EVL: variants seen among roughly 807,000 people sequenced by gnomAD.
EVL encodes the protein ena/VASP-like protein.
EVL carries 21 observed loss-of-function variants against 59.6 expected under a neutral mutation model. That is an observed-to-expected ratio of 0.35 (90% confidence interval 0.25 to 0.51). The LOEUF is 0.51. Among genes scored for constraint, EVL ranks in the 20% least tolerant of loss-of-function variants. The pLI is 0.97. For missense variants in EVL, 462 were observed against 546.6 expected, an observed-to-expected ratio of 0.85 and a Z score of 1.54; for synonymous variants, 198 against 203.5, an observed-to-expected ratio of 0.97 and a Z score of 0.23.
intron 2 of EVL, 60 bp downstream of exon 2, chr14:100,084,915 C>T: frequency 1.9e-6 from 3 of 1,565,352 alleles, no homozygotes; most frequent in Non-Finnish European, 2.6e-6. Flanking sequence ...TCACCGCCCA[C>T]CCCTTACACA....
At chr14:99,996,824 G>C (rs1392951108) in intron 1 of EVL, among the ~76,000 whole-genome samples, 5 of 152,084 alleles carry the variant, frequency 3.3e-5, no homozygotes, top group Non-Finnish European at 7.4e-5. Context: ...GCTGATTTCT[G>C]TATTTTTTTA....
At chr14:100,126,891 C>A in intron 5 of EVL, 120 bp downstream of exon 5, 1 of 873,046 alleles carries the variant, frequency 1.1e-6, no homozygotes, top group South Asian at 1.6e-5. Flanking sequence ...GAGCCTAGGT[C>A]TCAAAGTGCA....
intron 1 of EVL, among the ~76,000 whole-genome samples, chr14:100,014,565 C>G (rs527683580): frequency 1.6e-4 from 25 of 152,304 alleles, no homozygotes; most frequent in African/African-American, 5.8e-4. Flanking sequence ...CAAATCTTGG[C>G]TATTGTCAAC....
chr14:100,079,432 C>T (rs1477318929), intron 1 of EVL, among the ~76,000 whole-genome samples: 1 of 152,206 alleles, frequency 6.6e-6, no homozygotes, highest in East Asian at 1.9e-4. Context: ...GAAAACAAAA[C>T]AGTTCCTGCC....
chr14:100,132,888 C>T, intron 8 of EVL, 109 bp downstream of exon 8: 2 of 1,215,754 alleles, frequency 1.6e-6, no homozygotes, highest in Non-Finnish European at 2.4e-6. Context: ...GGGATGGGCG[C>T]TTCATCAGGT....
chr14:100,093,600 G>A (rs755920397), intron 2 of EVL, among the ~76,000 whole-genome samples: 2 of 152,152 alleles, frequency 1.3e-5, no homozygotes, highest in African/African-American at 2.4e-5. Context: ...TTCAATCAGC[G>A]ACCAAGCATG....
chr14:100,043,968 T>C (rs928275776), intron 1 of EVL, among the ~76,000 whole-genome samples: 1 of 152,136 alleles, frequency 6.6e-6, no homozygotes, highest in Admixed American at 6.5e-5. Flanking sequence ...GTCGTGATTA[T>C]GGAGGTTGTA....
chr14:100,064,451 T>C (rs748267875), upstream of EVL, among the ~76,000 whole-genome samples: 2 of 152,194 alleles, frequency 1.3e-5, no homozygotes, highest in Non-Finnish European at 2.9e-5. Context: ...TATAACCCCA[T>C]TTTACAGTTG....
Position 99,994,751 on chromosome 14 carries a change from A to G in EVL, c.5+22694A>G, listed in dbSNP as rs373801114. ...ATTTACCTTTACCAGGGAGTTTTGT[A>G]TATTCTCATGGTTTCATGATGCTAT... On this transcript the variant is annotated intron_variant, in intron 1 of 13. Coordinates refer to the EVL transcript ENST00000402714. 2.2e-4 allele frequency among the ~76,000 whole-genome samples: 34 copies of G among 152,232 alleles called. No homozygotes were observed. The South Asian group carries it at 3.3e-3, about 15-fold the overall frequency.
At chr14:100,019,691 T>C (rs1448680944) in intron 1 of EVL, 6 of 1,532,872 alleles carry the variant, frequency 3.9e-6, no homozygotes, top group Admixed American at 2.0e-5. Context: ...AATTCAGGTA[T>C]GTTCTGGGCT....
chr14:100,009,819 T>G (rs1595560479), intron 1 of EVL, among the ~76,000 whole-genome samples: 1 of 152,186 alleles, frequency 6.6e-6, no homozygotes, highest in East Asian at 1.9e-4. Context: ...AGAAATACAT[T>G]GGTTTGATTC....
At chr14:100,011,258 G>T (rs2061015300) in intron 1 of EVL, among the ~76,000 whole-genome samples, 1 of 152,146 alleles carries the variant, frequency 6.6e-6, no homozygotes, top group Non-Finnish European at 1.5e-5. Context: ...TGTTTGGAAA[G>T]TCCACTGAAG....
chr14:100,123,548 G>C lies in EVL; in HGVS notation c.368G>C (p.Ser123Thr). ...GCTTCTCTGCCCACAGGCCCCTCCA[G>C]CCAGCGTCAGGTGCAGAATGGCCCC... ...IMNSQEGGPS[S>T]QRQVQNGPSP... Residue 123 changes from serine to threonine, a missense_variant, in exon 4 of 14, where the codon AGC (serine) becomes ACC (threonine). Transcript: ENST00000392920. 6.2e-7 allele frequency: 1 copy of C among 1,614,116 alleles called. No homozygotes were observed. Among genetic ancestry groups the C allele is most frequent in the East Asian group, 2.2e-5 (1 of 44,884 alleles).
chr14:100,053,330 G>C (rs919971226), intron 1 of EVL, among the ~76,000 whole-genome samples: 1 of 151,848 alleles, frequency 6.6e-6, no homozygotes, highest in African/African-American at 2.4e-5. Context: ...TATTTCTTCA[G>C]TTGGTTGGAA....
At chr14:100,040,220 T>A (rs2061447761) in intron 1 of EVL, among the ~76,000 whole-genome samples, 1 of 152,184 alleles carries the variant, frequency 6.6e-6, no homozygotes, top group African/African-American at 2.4e-5. Flanking sequence ...ACCAGCTCCT[T>A]TTGTTCCGCT....
At chr14:100,010,149 A>G (rs954852354) in intron 1 of EVL, among the ~76,000 whole-genome samples, 2 of 152,220 alleles carry the variant, frequency 1.3e-5, no homozygotes, top group African/African-American at 4.8e-5. Flanking sequence ...TTTTTCCCAC[A>G]AGAGACTTTG....
At chr14:99,998,477 A>G (rs1282150372) in intron 1 of EVL, among the ~76,000 whole-genome samples, 1 of 152,180 alleles carries the variant, frequency 6.6e-6, no homozygotes, top group Non-Finnish European at 1.5e-5. Context: ...AAGCATTGTT[A>G]TCTGTATGCT....
intron 4 of EVL, among the ~76,000 whole-genome samples, chr14:100,125,253 TACAC>T (rs34556561): frequency 0.036 from 4,308 of 119,388 alleles, 240 homozygotes; most frequent in East Asian, 0.27. Flanking sequence ...AAGGCAGGAA[TACAC>T]ACACACACAC....
intron 1 of EVL, among the ~76,000 whole-genome samples, chr14:100,076,689 C>T (rs1295082090): frequency 6.6e-6 from 1 of 152,112 alleles, no homozygotes; most frequent in African/African-American, 2.4e-5. Context: ...AGAAAAGTAT[C>T]CCAGGCAGAG....
Sources: allele counts gnomAD v4.1 joint callset (sites outside exome capture counted in the v4.1 genomes callset), GRCh38; gene constraint gnomAD v4.1.1; transcripts MANE v1.5; gene names NCBI Gene and HGNC (gene_info 2026-07-23, HGNC 2026-07-21).